The following NDST4 variants were observed in gnomAD, a reference collection of about 807,000 sequenced individuals.
NDST4 encodes N-deacetylase and N-sulfotransferase 4, also known as N-heparan sulfate sulfotransferase 4.
NDST4 carries 63 observed loss-of-function variants against 100.8 expected under a neutral mutation model. The observed-to-expected ratio is 0.62, with a 90% CI of 0.51 to 0.77. The LOEUF (loss-of-function observed/expected upper bound fraction) is 0.77. NDST4 is among the 30% of genes least tolerant of loss of function. The pLI, the probability that NDST4 is intolerant of heterozygous loss-of-function variation, is 0.00. For missense variants in NDST4, 943 were observed against 1,018.4 expected (o/e 0.93, Z 1.01); for synonymous variants, 377 against 361.8 (o/e 1.04, Z -0.48).
chr4:115,012,502 C>A (rs987765203), intron 2 of NDST4, among the ~76,000 whole-genome samples: 1 of 151,968 alleles, frequency 6.6e-6, no homozygotes, highest in Admixed American at 6.6e-5. Context: ...AATTTACTTA[C>A]CCAAATTAAG....
chr4:115,109,374 G>T (rs780316082), intron 1 of NDST4, among the ~76,000 whole-genome samples: 1 of 151,898 alleles, frequency 6.6e-6, no homozygotes, highest in East Asian at 1.9e-4. Context: ...GGTGGAATTT[G>T]CAAAATAGAG....
chr4:114,995,375 A>C (rs1727137489), intron 2 of NDST4, among the ~76,000 whole-genome samples: 1 of 152,086 alleles, frequency 6.6e-6, no homozygotes, highest in African/African-American at 2.4e-5. Flanking sequence ...TTCATTTTCA[A>C]TTGCTACCTC....
At chr4:114,875,750 A>G (rs1056392961) in intron 6 of NDST4, among the ~76,000 whole-genome samples, 1 of 152,206 alleles carries the variant, frequency 6.6e-6, no homozygotes, top group African/African-American at 2.4e-5. Context: ...AGGAAAGAAC[A>G]AAATAAAAGT....
intron 1 of NDST4, among the ~76,000 whole-genome samples, chr4:115,096,902 T>G (rs553040068): frequency 7.9e-5 from 12 of 152,108 alleles, no homozygotes; most frequent in Non-Finnish European, 1.5e-4. Flanking sequence ...ACCAATAAAC[T>G]TCACGTTGTA....
At chr4:114,943,368 T>C (rs948699760) in intron 4 of NDST4, among the ~76,000 whole-genome samples, 11 of 151,986 alleles carry the variant, frequency 7.2e-5, no homozygotes, top group Non-Finnish European at 1.6e-4. Context: ...TCACCAGCAT[T>C]AACTCATCCA....
intron 2 of NDST4, among the ~76,000 whole-genome samples, chr4:114,993,785 T>C (rs1240528672): frequency 6.6e-6 from 1 of 151,972 alleles, no homozygotes; most frequent in Admixed American, 6.6e-5. Context: ...ATTGCTTTTC[T>C]AGTTTTCAGT....
At chr4:114,944,047 A>G (rs1725809004) in intron 4 of NDST4, among the ~76,000 whole-genome samples, 1 of 152,156 alleles carries the variant, frequency 6.6e-6, no homozygotes, top group East Asian at 1.9e-4. Context: ...CCAACAGCCA[A>G]ATACTTTCCT....
chr4:114,971,652 T>C (rs974409070), intron 3 of NDST4, among the ~76,000 whole-genome samples: 2 of 152,158 alleles, frequency 1.3e-5, no homozygotes, highest in Non-Finnish European at 2.9e-5. Flanking sequence ...CAAAAGAATA[T>C]GTTTTACAGA....
At chr4:115,111,518 A>G (rs1360885407) in intron 1 of NDST4, among the ~76,000 whole-genome samples, 1 of 151,622 alleles carries the variant, frequency 6.6e-6, no homozygotes, top group Non-Finnish European at 1.5e-5. Context: ...ACATTTCTTA[A>G]ATAATAAGCC....
chr4:115,019,873 G>A (rs531326554), intron 2 of NDST4, among the ~76,000 whole-genome samples: 52 of 152,074 alleles, frequency 3.4e-4, no homozygotes, highest in African/African-American at 1.0e-3. Flanking sequence ...CTTCTGCTAC[G>A]GGATGATGCA....
Position 114,847,375 on chromosome 4 carries a change from C to CAAAAAAAAAAAA in NDST4, c.1940+828_1940+839dup, listed in dbSNP as rs57987259. ...TGGGCGACAGAGCGAGACTCCGTCT[C>CAAAAAAAAAAAA]AAAAAAAAAAAAAAAAAAAAAAAAA... On this transcript the variant is annotated intron_variant, in intron 9 of 13. Coordinates refer to ENST00000264363, the MANE Select transcript of NDST4 (RefSeq NM_022569.3). Among the ~76,000 whole-genome samples, 4 of 18,246 alleles carry CAAAAAAAAAAAA rather than the reference C, an allele frequency of 2.2e-4. 1 individual carries two copies. The highest frequency in any genetic ancestry group is 3.5e-4 in the Non-Finnish European group (4 of 11,428). 12.0% of individuals were successfully genotyped at this position (18,246 alleles called of 152,430 possible).
intron 2 of NDST4, among the ~76,000 whole-genome samples, chr4:115,005,005 C>A (rs925054335): frequency 6.6e-6 from 1 of 152,124 alleles, no homozygotes; most frequent in Admixed American, 6.5e-5. Flanking sequence ...TTTTAAATTG[C>A]TTACATTGAA....
chr4:114,951,960 C>A (rs914968582), intron 4 of NDST4, among the ~76,000 whole-genome samples: 1 of 152,132 alleles, frequency 6.6e-6, no homozygotes, highest in African/African-American at 2.4e-5. Flanking sequence ...TGCTTTAAAG[C>A]AAGTAAATTA....
At chr4:115,105,907 A>T (rs1050071334) in intron 1 of NDST4, among the ~76,000 whole-genome samples, 1 of 152,040 alleles carries the variant, frequency 6.6e-6, no homozygotes, top group African/African-American at 2.4e-5. Context: ...TCCTTTAATT[A>T]TTACTGTGTT....
intron 6 of NDST4, among the ~76,000 whole-genome samples, chr4:114,884,802 T>A (rs1260050116): frequency 6.6e-6 from 1 of 152,160 alleles, no homozygotes; most frequent in Non-Finnish European, 1.5e-5. Flanking sequence ...TAAATCATTT[T>A]TTGAAATATC....
chr4:114,981,236 AGGAAGGAAG>A (rs1408526681), intron 2 of NDST4, among the ~76,000 whole-genome samples: 1 of 148,908 alleles, frequency 6.7e-6, no homozygotes, highest in African/African-American at 2.5e-5. Context: ...GAAGGAAGGA[AGGAAGGAAG>A]GAAGGAAGGA....
chr4:115,018,366 G>C (rs1203637205), intron 2 of NDST4, among the ~76,000 whole-genome samples: 1 of 151,766 alleles, frequency 6.6e-6, no homozygotes, highest in Admixed American at 6.6e-5. Context: ...TTTTAGTTTT[G>C]TTTACAAAAT....
intron 2 of NDST4, among the ~76,000 whole-genome samples, chr4:115,052,768 C>T (rs1394033145): frequency 2.0e-5 from 3 of 152,052 alleles, no homozygotes; most frequent in African/African-American, 4.8e-5. Context: ...CAACTCACTC[C>T]TTCATTCATT....
intron 2 of NDST4, among the ~76,000 whole-genome samples, chr4:115,045,696 C>G (rs1036831878): frequency 5.9e-5 from 9 of 152,208 alleles, no homozygotes; most frequent in Non-Finnish European, 1.2e-4. Flanking sequence ...CTGCACCTAA[C>G]ATGGGTTTGC....
Sources: gnomAD v4.1 joint callset for allele counts (sites outside exome capture counted in the v4.1 genomes callset) on GRCh38, gnomAD v4.1.1 for gene constraint, MANE v1.5 for transcripts, NCBI Gene and HGNC (gene_info 2026-07-23, HGNC 2026-07-21) for gene names.